The following IL11RA variants were observed in gnomAD, a reference collection of about 807,000 sequenced individuals.
The protein encoded by IL11RA is interleukin 11 receptor subunit alpha.
In IL11RA, 51 loss-of-function variants were observed where a neutral mutation model predicts 57.0. That is an observed-to-expected ratio of 0.89 (90% confidence interval 0.71 to 1.13). IL11RA has a LOEUF of 1.13. IL11RA is among the 50% of genes most tolerant of loss of function. IL11RA has a pLI of 0.00. For synonymous variants in IL11RA, 199 were observed against 217.5 expected, an observed-to-expected ratio of 0.91 and a Z score of 0.75; for missense variants, 498 against 539.4, an observed-to-expected ratio of 0.92 and a Z score of 0.76.
At chr9:34,654,983 G>A in intron 1 of IL11RA, 1 of 507,064 alleles carries the variant, frequency 2.0e-6, no homozygotes, top group South Asian at 2.0e-5. Context: ...GTGTGAGGGG[G>A]TGTGTGTGTC....
chr9:34,658,594 A>G lies in IL11RA; in HGVS notation c.721A>G (p.Thr241Ala). 6.2e-7 allele frequency: 1 copy of G among 1,614,174 alleles called. No homozygotes were observed. Among genetic ancestry groups the G allele is most frequent in the African/African-American group, 1.3e-5 (1 of 75,062 alleles). ...CCCCCGACGCCTGCGAGCCAGCTGG[A>G]CATACCCTGCCTCCTGGCCGTGCCA... The part of the protein sequence containing the change: ...GYPRRLRASW[T>A]YPASWPCQPH... The change falls in exon 8 of 13, where the codon ACA (threonine) becomes GCA (alanine). Residue 241 changes from threonine to alanine, a missense_variant. Coordinates refer to ENST00000441545, the MANE Select transcript of IL11RA (RefSeq NM_001142784.3). The surrounding 1 kb of genome is among the most constrained non-coding windows in gnomAD (Gnocchi z 4.0).
chr9:34,661,462 T>G lies in IL11RA; in HGVS notation c.1253-20T>G. ...ATCCGGTCTTACTGTCTCTCCTGAT[T>G]TGCCTCCTGCTTCTTCTAGGAGCTC... On this transcript the variant is annotated intron_variant, in intron 12 of 12. Transcript: ENST00000441545. The G allele has an allele frequency of 6.2e-7, 1 of 1,613,398 alleles. No homozygotes were observed. The highest frequency in any genetic ancestry group is 8.5e-7 in the Non-Finnish European group (1 of 1,179,932).
chr9:34,656,441 C>T (rs1454685566), intron 3 of IL11RA, among the ~76,000 whole-genome samples: 3 of 152,216 alleles, frequency 2.0e-5, no homozygotes, highest in Admixed American at 6.5e-5. Flanking sequence ...AAGGTATAAG[C>T]GCTCGTGACA....
chr9:34,660,023 C>G, intron 9 of IL11RA, 123 bp downstream of exon 9: 1 of 1,347,786 alleles, frequency 7.4e-7, no homozygotes, highest in African/African-American at 1.4e-5. Context: ...AATTGCTGTC[C>G]CAGACTTCAG....
Position 34,655,228 on chromosome 9 carries a change from G to A in IL11RA, c.11G>A (p.Ser4Asn), listed in dbSNP as rs1220989150. The A allele has an allele frequency of 1.2e-6, 2 of 1,609,866 alleles. No individual in the cohort carries two copies. The highest frequency in any genetic ancestry group is 1.7e-6 in the Non-Finnish European group (2 of 1,177,428). ...TACCTCTCCCCACAGATGAGCAGCA[G>A]CTGCTCAGGGCTGAGCAGGGTCCTG... MSS[S>N]CSGLSRVLVA... Residue 4 changes from serine (S) to asparagine (N), a missense_variant, in exon 2 of 13, where the codon AGC (serine) becomes AAC (asparagine). Transcript: ENST00000441545.
rs1821401181 is a variant in IL11RA, at chr9:34,658,933, T to C, written c.810+250T>C. On this transcript the variant is annotated intron_variant, in intron 8 of 12. Coordinates refer to ENST00000441545, the MANE Select transcript of IL11RA (RefSeq NM_001142784.3). This position sits in a 1 kb window ranked among gnomAD's most constrained non-coding sequence, Gnocchi z 4.0. ...AGCAATGGCTTTTAAAAAAATAACT[T>C]TTTTTTTTTGAGAGGGAGTCTCGCT... Among the ~76,000 whole-genome samples, 1 of 150,718 alleles carries C rather than the reference T, an allele frequency of 6.6e-6. No individual in the cohort carries two copies. Among genetic ancestry groups the C allele is most frequent in the African/African-American group, 2.4e-5 (1 of 41,086 alleles).
chr9:34,660,295 C>T lies in IL11RA; in HGVS notation c.974C>T (p.Pro325Leu). 2.5e-6 allele frequency: 4 copies of T among 1,614,216 alleles called. No homozygotes were observed. The highest frequency in any genetic ancestry group is 1.1e-5 in the South Asian group (1 of 91,084). ...PSTGTIPKEIPAWGQLHTQPE... is the reference protein window; with the variant it reads ...PSTGTIPKEILAWGQLHTQPE... ...TTAGGGACCATACCAAAGGAGATAC[C>T]AGCATGGGGCCAGCTACACACGCAG... Residue 325 changes from proline to leucine, a missense_variant, in exon 10 of 13, where the codon CCA becomes CTA. Pro to Leu is a moderately conservative substitution (Grantham distance 98). Transcript: ENST00000441545.
At chr9:34,661,046 G>A (rs951106207) in intron 12 of IL11RA, 110 bp downstream of exon 12, 1 of 901,276 alleles carries the variant, frequency 1.1e-6, no homozygotes. Flanking sequence ...GGGAATCCAA[G>A]TTGGGTCTCC....
At chr9:34,660,175 G>T in intron 9 of IL11RA, 99 bp from the exon 10 acceptor site, 1 of 1,570,586 alleles carries the variant, frequency 6.4e-7, no homozygotes, top group Admixed American at 1.7e-5. Context: ...CCTCCTCCTA[G>T]GTACCTTGAC....
At chr9:34,657,381 T>C (rs779864103) in intron 6 of IL11RA, 40 bp from the exon 7 acceptor site, 3 of 1,614,010 alleles carry the variant, frequency 1.9e-6, no homozygotes, top group South Asian at 2.2e-5. Context: ...GGTCCCACAG[T>C]AGGCATTTTC....
At chr9:34,656,619 C>A in intron 3 of IL11RA, 120 bp from the exon 4 acceptor site, 1 of 1,121,792 alleles carries the variant, frequency 8.9e-7, no homozygotes, top group Non-Finnish European at 1.3e-6. Flanking sequence ...CTTTGAAAGC[C>A]AGTAAAAGGA....
At chr9:34,654,855 CTGGTGCCAGTGCT>C (rs1821311774) in intron 1 of IL11RA, among the ~76,000 whole-genome samples, 2 of 152,066 alleles carry the variant, frequency 1.3e-5, no homozygotes, top group Non-Finnish European at 2.9e-5. Context: ...AGTGGCTGAG[CTGGTGCCAGTGCT>C]TGGTGCCAGG....
At chr9:34,657,693 C>G in intron 7 of IL11RA, 106 bp downstream of exon 7, 1 of 1,116,344 alleles carries the variant, frequency 9.0e-7, no homozygotes, top group Admixed American at 2.0e-5. Context: ...ACCTAGACTC[C>G]ATTTCACACA....
At chr9:34,655,558 G>A (rs1821327487) in intron 2 of IL11RA, 47 bp from the exon 3 acceptor site, 8 of 1,554,508 alleles carry the variant, frequency 5.1e-6, no homozygotes, top group Non-Finnish European at 7.1e-6. Context: ...TCACAAAGTG[G>A]GGAGGGGGGT....
Position 34,659,896 on chromosome 9 carries a change from C to A in IL11RA, c.948C>A (p.Ser316Arg). ...TWSPEAWGTP[S>R]TGTIPKEIPA... ...GCCCGGAGGCCTGGGGAACTCCGAG[C>A]ACTGGTGAGAGACAAAGCCAAAGAA... The change falls in exon 9 of 13, where the codon AGC becomes AGA. Residue 316 changes from serine (S) to arginine (R), a missense_variant. By Grantham distance (110) the Ser-to-Arg change is moderately radical. Transcript: ENST00000441545. 6.2e-7 allele frequency: 1 copy of A among 1,614,128 alleles called. No homozygotes were observed. The highest frequency in any genetic ancestry group is 8.5e-7 in the Non-Finnish European group (1 of 1,179,994).
chr9:34,658,682 C>T lies in IL11RA; in HGVS notation c.809C>T (p.Thr270Met), dbSNP rs753306721. 24 of 1,612,026 alleles carry T rather than the reference C, an allele frequency of 1.5e-5. No individual in the cohort carries two copies. Among genetic ancestry groups the T allele is most frequent in the Middle Eastern group, 1.6e-4 (1 of 6,084 alleles). The change falls in exon 8 of 13, where the codon ACG becomes ATG. Residue 270 changes from threonine to methionine, a missense_variant and splice_region_variant. By Grantham distance (81) the Thr-to-Met change is moderately conservative. Transcript: ENST00000441545. This position sits in a 1 kb window ranked among gnomAD's most constrained non-coding sequence, Gnocchi z 4.0. ...YRPAQHPAWS[T>M]VEPAGLEEVI... ...CCGGCGCAGCATCCAGCCTGGTCCACGGTGAGGCCTGGAGTGCGTCCCAAC... is the reference window on the plus strand; with the variant it reads ...CCGGCGCAGCATCCAGCCTGGTCCATGGTGAGGCCTGGAGTGCGTCCCAAC...
At position 34,657,312 on chromosome 9, in the gene IL11RA, A is replaced by C; in HGVS notation, c.456A>C (p.Thr152=). 1.2e-6 allele frequency: 2 copies of C among 1,614,166 alleles called. No homozygotes were observed. The highest frequency in any genetic ancestry group is 1.7e-6 in the Non-Finnish European group (2 of 1,180,022). Residue 152 remains threonine (T), a synonymous_variant, in exon 6 of 13, where the codon ACA becomes ACC. Transcript: ENST00000441545. The part of the protein sequence containing the change: ...TRYLTSYRKK[T]VLGADSQRRS... ...GCCCCCTCCCCACCAGGAAGAAGAC[A>C]GTCCTAGGAGCTGATAGCCAGAGGT...
chr9:34,655,010 T>C, intron 1 of IL11RA: 1 of 566,456 alleles, frequency 1.8e-6, no homozygotes, highest in South Asian at 1.8e-5. Context: ...TGTGTGTGTG[T>C]GTGTGTGCGC....
Position 34,660,883 on chromosome 9 carries a change from G to C in IL11RA, c.1199G>C (p.Gly400Ala), listed in dbSNP as rs772255339. 6.2e-7 allele frequency: 1 copy of C among 1,614,148 alleles called. No individual in the cohort carries two copies. Among genetic ancestry groups the C allele is most frequent in the Admixed American group, 1.7e-5 (1 of 60,024 alleles). The change falls in exon 12 of 13, where the codon GGA (glycine) becomes GCA (alanine). Residue 400 changes from glycine (G) to alanine (A), a missense_variant. Gly to Ala is a moderately conservative substitution (Grantham distance 60). Transcript: ENST00000441545. ...WLRLRRGGKD[G>A]SPKPGFLASV... ...AGGCTGAGACGGGGTGGGAAGGATGGATCCCCAAAGCCTGGGTTCTTGGCC... is the reference window on the plus strand; with the variant it reads ...AGGCTGAGACGGGGTGGGAAGGATGCATCCCCAAAGCCTGGGTTCTTGGCC...
Sources: allele counts gnomAD v4.1 joint callset (sites outside exome capture counted in the v4.1 genomes callset), GRCh38; gene constraint gnomAD v4.1.1; non-coding constraint Gnocchi (gnomAD v3.1); transcripts MANE v1.5; gene names NCBI Gene and HGNC (gene_info 2026-07-23, HGNC 2026-07-21).